The following MSRA variants were observed in gnomAD, a reference collection of about 807,000 sequenced individuals.
MSRA encodes mitochondrial peptide methionine sulfoxide reductase.
A neutral mutation model predicts 31.3 loss-of-function variants in MSRA; 54 were observed. That is an observed-to-expected ratio of 1.73 (90% CI 1.39 to 2.17). The LOEUF (loss-of-function observed/expected upper bound fraction) is 2.17, where lower values mean the gene tolerates loss of function less well. Among genes scored for constraint, MSRA ranks in the 30% most tolerant of loss-of-function variants. The probability of loss-of-function intolerance (pLI) is 0.00; values close to 1 mark genes in which losing one functional copy is unlikely to be tolerated. For missense variants in MSRA, 507 were observed against 300.9 expected, an observed-to-expected ratio of 1.69 and a Z score of -5.07; for synonymous variants, 169 against 116.5, an observed-to-expected ratio of 1.45 and a Z score of -2.90.
At chr8:10,171,356 A>G (rs1030741420) in intron 1 of MSRA, among the ~76,000 whole-genome samples, 2 of 138,450 alleles carry the variant, frequency 1.4e-5, no homozygotes, top group Admixed American at 8.1e-5. Context: ...CACTATCCCA[A>G]TTTAAACTGT....
chr8:10,257,252 G>A (rs1185022031), intron 3 of MSRA, among the ~76,000 whole-genome samples: 2 of 152,084 alleles, frequency 1.3e-5, no homozygotes, highest in African/African-American at 4.8e-5. Context: ...AGAGGAAGAT[G>A]ACAGGCCCTC....
chr8:10,079,930 T>C (rs1279407026), intron 1 of MSRA, among the ~76,000 whole-genome samples: 1 of 152,238 alleles, frequency 6.6e-6, no homozygotes, highest in East Asian at 1.9e-4. Flanking sequence ...GCGAAGTTCC[T>C]AGAGGCTCTT....
chr8:10,328,317 C>T (rs1563356391), intron 5 of MSRA, among the ~76,000 whole-genome samples: 1 of 143,396 alleles, frequency 7.0e-6, no homozygotes, highest in Non-Finnish European at 1.5e-5. Context: ...AAGCAAGATC[C>T]TCAGAAGTCA....
At position 10,346,179 on chromosome 8, in the gene MSRA, C is replaced by G. The variant is rs1370625657; in HGVS notation, c.543+26190C>G. Reference sequence around the variant, plus strand: ...TTATATATGGGCAAAGGCTGAGTGACTTGGGGTCCTGACCTCAGTAAATGC... The same window carrying G: ...TTATATATGGGCAAAGGCTGAGTGAGTTGGGGTCCTGACCTCAGTAAATGC... On this transcript the variant is annotated intron_variant, in intron 5 of 5. Transcript: ENST00000317173. Among the ~76,000 whole-genome samples, 7 of 152,190 alleles carry G rather than the reference C, an allele frequency of 4.6e-5. No individual in the cohort carries two copies. In the East Asian group the frequency reaches 7.7e-4, roughly 17 times the overall value.
chr8:10,099,231 G>C (rs368158195), intron 1 of MSRA, among the ~76,000 whole-genome samples: 1 of 152,204 alleles, frequency 6.6e-6, no homozygotes. Context: ...CGTGATCTGA[G>C]GAGATGTACT....
At chr8:10,232,446 G>A (rs1438921167) in intron 2 of MSRA, among the ~76,000 whole-genome samples, 1 of 152,210 alleles carries the variant, frequency 6.6e-6, no homozygotes, top group Non-Finnish European at 1.5e-5. Flanking sequence ...AATTTATGTA[G>A]TGAACCCATA....
chr8:10,199,585 T>C (rs528649803), intron 1 of MSRA, among the ~76,000 whole-genome samples: 16 of 152,234 alleles, frequency 1.1e-4, no homozygotes, highest in African/African-American at 3.4e-4. Context: ...TTTTAATGAA[T>C]AAAAAGGGCT....
At chr8:10,208,555 G>A (rs1433682264) in intron 2 of MSRA, among the ~76,000 whole-genome samples, 4 of 151,768 alleles carry the variant, frequency 2.6e-5, no homozygotes, top group African/African-American at 4.8e-5. Context: ...CCCTTTCTTT[G>A]CCTGCCTTCT....
intron 5 of MSRA, among the ~76,000 whole-genome samples, chr8:10,343,151 C>T (rs561376692): frequency 2.0e-5 from 3 of 151,962 alleles, no homozygotes; most frequent in Middle Eastern, 3.2e-3. Flanking sequence ...AAATCATGAC[C>T]AGCTTTTCTC....
At chr8:10,263,542 G>C (rs1027009517) in intron 3 of MSRA, among the ~76,000 whole-genome samples, 7 of 152,168 alleles carry the variant, frequency 4.6e-5, no homozygotes, top group African/African-American at 1.7e-4. Context: ...CCAAAACCGG[G>C]AATCATTCTT....
intron 1 of MSRA, among the ~76,000 whole-genome samples, chr8:10,075,148 T>A (rs909405323): frequency 2.6e-5 from 4 of 152,244 alleles, no homozygotes; most frequent in Non-Finnish European, 4.4e-5. Flanking sequence ...TGTATTTCTG[T>A]TTTCTGTATA....
chr8:10,375,750 G>A (rs1031952653), intron 5 of MSRA, among the ~76,000 whole-genome samples: 8 of 152,162 alleles, frequency 5.3e-5, no homozygotes, highest in African/African-American at 1.7e-4. Flanking sequence ...ATCTTGCTTC[G>A]GGGGTTGAAA....
intron 1 of MSRA, among the ~76,000 whole-genome samples, chr8:10,087,675 C>A (rs190876796): frequency 6.6e-6 from 1 of 152,148 alleles, no homozygotes; most frequent in Non-Finnish European, 1.5e-5. Flanking sequence ...TCTCAGTGTT[C>A]AATGTCAGAT....
rs1257171761 is a variant in MSRA, at chr8:10,238,828, T to C, written c.212-6276T>C. 1.1e-4 allele frequency among the ~76,000 whole-genome samples: 16 copies of C among 152,156 alleles called. 1 individual carries two copies. ...GCTTCTGAAAATATAGGATATTATCTTTATCTTTATATATGGATGGACTTC... is the reference window on the plus strand; with the variant it reads ...GCTTCTGAAAATATAGGATATTATCCTTATCTTTATATATGGATGGACTTC... On this transcript the variant is annotated intron_variant, in intron 2 of 5. Coordinates refer to ENST00000317173, the MANE Select transcript of MSRA (RefSeq NM_012331.5).
chr8:10,362,789 T>A (rs1804929123), intron 5 of MSRA, among the ~76,000 whole-genome samples: 1 of 152,042 alleles, frequency 6.6e-6, no homozygotes, highest in Non-Finnish European at 1.5e-5. Flanking sequence ...TCCCTGCCTT[T>A]TTCCTCTTTG....
intron 3 of MSRA, among the ~76,000 whole-genome samples, chr8:10,265,008 A>G (rs556333535): frequency 6.6e-6 from 1 of 152,278 alleles, no homozygotes; most frequent in East Asian, 1.9e-4. Flanking sequence ...GACTGTTCAG[A>G]TTAGGTCACA....
At chr8:10,215,500 G>T (rs1011138678) in intron 2 of MSRA, among the ~76,000 whole-genome samples, 2 of 152,192 alleles carry the variant, frequency 1.3e-5, no homozygotes, top group African/African-American at 4.8e-5. Context: ...TCAAGTCCCC[G>T]GGAGAGTGAC....
intron 5 of MSRA, among the ~76,000 whole-genome samples, chr8:10,407,900 TCATTAAGGATCA>T (rs1360967872): frequency 2.0e-5 from 3 of 152,222 alleles, no homozygotes; most frequent in Admixed American, 2.0e-4. Flanking sequence ...TCTGAGAATT[TCATTAAGGATCA>T]CATCAATCTT....
intron 2 of MSRA, among the ~76,000 whole-genome samples, chr8:10,225,649 C>G (rs1331984732): frequency 6.6e-6 from 1 of 152,138 alleles, no homozygotes; most frequent in East Asian, 1.9e-4. Flanking sequence ...CTGAAAACTT[C>G]TTTGGGCTTT....
Sources: gnomAD v4.1 joint callset for allele counts (sites outside exome capture counted in the v4.1 genomes callset) on GRCh38, gnomAD v4.1.1 for gene constraint, MANE v1.5 for transcripts, NCBI Gene and HGNC (gene_info 2026-07-23, HGNC 2026-07-21) for gene names.